The following SPOCK3 variants were observed in gnomAD, a reference collection of about 807,000 sequenced individuals.
The protein encoded by SPOCK3 is SPARC (osteonectin), cwcv and kazal like domains proteoglycan 3, also known as testican-3.
In SPOCK3, 30 loss-of-function variants were observed where a neutral mutation model predicts 56.6. The ratio of observed to expected loss-of-function variants is 0.53; its 90% CI spans 0.40 to 0.72. SPOCK3 has a LOEUF of 0.72. Among genes scored for constraint, SPOCK3 ranks in the 30% least tolerant of loss-of-function variants. The probability of loss-of-function intolerance (pLI) is 0.00; values close to 1 mark genes in which losing one functional copy is unlikely to be tolerated. For synonymous variants in SPOCK3, 196 were observed against 183.3 expected, an observed-to-expected ratio of 1.07 and a Z score of -0.56; for missense variants, 527 against 530.0, an observed-to-expected ratio of 0.99 and a Z score of 0.06.
In SPOCK3 at chr4:167,012,620, T is replaced by G. The variant is rs568886153; in HGVS notation, c.236-12157A>C. On this transcript the variant is annotated intron_variant, in intron 3 of 10. Coordinates refer to ENST00000357545, the MANE Select transcript of SPOCK3 (RefSeq NM_001040159.2). ...AGCAGATGAATAGTAAAACTCAGAGTTTAGTGGCAATTTTGGAAAAATCAC... is the reference window on the plus strand; with the variant it reads ...AGCAGATGAATAGTAAAACTCAGAGGTTAGTGGCAATTTTGGAAAAATCAC... 3.9e-4 allele frequency among the ~76,000 whole-genome samples: 60 copies of G among 151,940 alleles called. 1 individual carries two copies. The South Asian group carries it at 8.3e-3, about 21-fold the overall frequency.
chr4:166,944,235 C>A (rs973699823), intron 4 of SPOCK3, among the ~76,000 whole-genome samples: 1 of 151,644 alleles, frequency 6.6e-6, no homozygotes, highest in African/African-American at 2.4e-5. Flanking sequence ...TTTTTAACCT[C>A]AAAGGGAGGG....
In SPOCK3 at chr4:167,138,943, A is replaced by C. The variant is rs549908827; in HGVS notation, c.190-76406T>G. ...TCATCTTCAATTAATATGATTTATC[A>C]TTAAAGTAATTCATTAAAATTTTAA... is the stretch of plus-strand genomic sequence containing the variant. On this transcript the variant is annotated intron_variant, in intron 2 of 10. Transcript: ENST00000357545. Among the ~76,000 whole-genome samples, 7 of 152,154 alleles carry C rather than the reference A, an allele frequency of 4.6e-5. 1 individual carries two copies. In the South Asian group the frequency reaches 1.4e-3, roughly 31 times the overall value.
intron 4 of SPOCK3, among the ~76,000 whole-genome samples, chr4:166,973,654 A>G: frequency 6.6e-6 from 1 of 152,176 alleles, no homozygotes. Flanking sequence ...GAAATGAAAA[A>G]TATTTGTCTG....
chr4:167,093,196 A>G (rs1758853055), intron 2 of SPOCK3, among the ~76,000 whole-genome samples: 1 of 152,160 alleles, frequency 6.6e-6, no homozygotes, highest in African/African-American at 2.4e-5. Flanking sequence ...CCATAATTAC[A>G]TTGCAAATCT....
At position 167,030,083 on chromosome 4, in the gene SPOCK3, TTCTATCTATCTA is replaced by T. The variant is rs59694023; in HGVS notation, c.236-29632_236-29621del. On this transcript the variant is annotated intron_variant, in intron 3 of 10. Coordinates refer to ENST00000357545, the MANE Select transcript of SPOCK3 (RefSeq NM_001040159.2). ...TTTTTAGTGTTATTTTAATGGCTCA[TTCTATCTATCTA>T]TCTATCTATCTATCTATCTATCTAT... 7.1e-3 allele frequency among the ~76,000 whole-genome samples: 1,006 copies of T among 141,472 alleles called. 12 individuals carry two copies. Among genetic ancestry groups the T allele is most frequent in the African/African-American group, 0.026 (922 of 35,250 alleles). The allele number at this position is 141,472 out of a possible 152,430, so 92.8% of individuals were successfully genotyped here. A position where few individuals can be genotyped will look rare whatever the true frequency, so the allele number is the denominator to read the frequency against.
At chr4:166,944,073 G>T (rs1741427161) in intron 4 of SPOCK3, among the ~76,000 whole-genome samples, 1 of 152,134 alleles carries the variant, frequency 6.6e-6, no homozygotes, top group African/African-American at 2.4e-5. Context: ...CTTGAACCCG[G>T]GAGGCGAAGG....
At chr4:167,118,873 C>T (rs986132246) in intron 2 of SPOCK3, among the ~76,000 whole-genome samples, 3 of 152,028 alleles carry the variant, frequency 2.0e-5, no homozygotes, top group Non-Finnish European at 2.9e-5. Context: ...TTCATGTAAC[C>T]CATATCAACT....
At chr4:166,752,462 A>G (rs2126479150) in intron 8 of SPOCK3, among the ~76,000 whole-genome samples, 1 of 151,980 alleles carries the variant, frequency 6.6e-6, no homozygotes, top group South Asian at 2.1e-4. Flanking sequence ...AGTTTTAAGT[A>G]AGCCTAGATT....
intron 3 of SPOCK3, among the ~76,000 whole-genome samples, chr4:167,002,800 G>T (rs1006878214): frequency 6.6e-6 from 1 of 152,060 alleles, no homozygotes. Context: ...TAACTTAGAA[G>T]ACATTAAAAG....
At chr4:166,896,826 A>G (rs918813429) in intron 5 of SPOCK3, among the ~76,000 whole-genome samples, 1 of 152,192 alleles carries the variant, frequency 6.6e-6, no homozygotes, top group Non-Finnish European at 1.5e-5. Context: ...TAGTATAAAA[A>G]TTCTAGGAAC....
intron 2 of SPOCK3, among the ~76,000 whole-genome samples, chr4:167,195,278 C>T (rs1262802323): frequency 1.3e-5 from 2 of 152,188 alleles, no homozygotes; most frequent in East Asian, 3.9e-4. Flanking sequence ...CTTTGGGTTA[C>T]CCCTTGTCCC....
intron 2 of SPOCK3, among the ~76,000 whole-genome samples, chr4:167,186,176 T>G (rs543580294): frequency 6.6e-6 from 1 of 152,288 alleles, no homozygotes; most frequent in Non-Finnish European, 1.5e-5. Context: ...TTATAAAATA[T>G]TATACCTGGA....
Position 167,234,178 on chromosome 4 carries a change from G to T in SPOCK3, c.1-5C>A. Reference sequence around the variant, plus strand: ...TACGGCTGACACCTTGAGCATCTGGGAGAGGAGACACAACGGGGGGTGGGG... The same window carrying T: ...TACGGCTGACACCTTGAGCATCTGGTAGAGGAGACACAACGGGGGGTGGGG... On this transcript the variant is annotated splice_region_variant and splice_polypyrimidine_tract_variant and intron_variant, in intron 1 of 10. Transcript: ENST00000357545. 1 of 1,609,592 alleles carries T rather than the reference G, an allele frequency of 6.2e-7. No individual in the cohort carries two copies.
chr4:166,875,622 G>C (rs1732992067), intron 6 of SPOCK3, among the ~76,000 whole-genome samples: 1 of 152,076 alleles, frequency 6.6e-6, no homozygotes, highest in African/African-American at 2.4e-5. Flanking sequence ...CTGTAGTGAA[G>C]AAAACCAAAG....
At chr4:167,092,417 C>G (rs574769941) in intron 2 of SPOCK3, among the ~76,000 whole-genome samples, 5 of 152,292 alleles carry the variant, frequency 3.3e-5, no homozygotes, top group Non-Finnish European at 7.4e-5. Flanking sequence ...TCCTGGCAAG[C>G]ATTCTTATTT....
intron 8 of SPOCK3, among the ~76,000 whole-genome samples, chr4:166,744,278 C>T (rs1305689979): frequency 6.6e-6 from 1 of 152,098 alleles, no homozygotes; most frequent in Admixed American, 6.5e-5. Context: ...GATCAGGCAG[C>T]AACATTTGCT....
At chr4:167,155,839 A>T (rs1374864482) in intron 2 of SPOCK3, among the ~76,000 whole-genome samples, 1 of 152,120 alleles carries the variant, frequency 6.6e-6, no homozygotes, top group South Asian at 2.1e-4. Flanking sequence ...GTCAAAGGGG[A>T]GGGAGAGCAT....
chr4:167,151,612 T>A (rs1015082497), intron 2 of SPOCK3, among the ~76,000 whole-genome samples: 3 of 151,916 alleles, frequency 2.0e-5, no homozygotes, highest in African/African-American at 7.3e-5. Context: ...TTTTTTTGTA[T>A]TTTTAGTAGA....
chr4:167,102,139 G>A (rs1008906527), intron 2 of SPOCK3, among the ~76,000 whole-genome samples: 1 of 152,064 alleles, frequency 6.6e-6, no homozygotes, highest in Non-Finnish European at 1.5e-5. Context: ...AGACTGGGAA[G>A]AGGAAGCCTT....
Sources: gnomAD v4.1 joint callset for allele counts (sites outside exome capture counted in the v4.1 genomes callset) on GRCh38, gnomAD v4.1.1 for gene constraint, MANE v1.5 for transcripts, NCBI Gene and HGNC (gene_info 2026-07-23, HGNC 2026-07-21) for gene names.